MAPKAP1: variants seen among roughly 807,000 people sequenced by gnomAD.
The protein encoded by MAPKAP1 is MAPK associated protein 1.
MAPKAP1 carries 20 observed loss-of-function variants against 65.7 expected under a neutral mutation model. That is an observed-to-expected ratio of 0.30 (90% CI 0.21 to 0.44). MAPKAP1 has a LOEUF of 0.44. Among genes scored for constraint, MAPKAP1 ranks in the 20% least tolerant of loss-of-function variants. MAPKAP1 has a pLI of 1.00. For missense variants in MAPKAP1, 423 were observed against 648.0 expected, an observed-to-expected ratio of 0.65 and a Z score of 3.77; for synonymous variants, 222 against 244.3, an observed-to-expected ratio of 0.91 and a Z score of 0.85.
chr9:125,673,555 A>T (rs192286995), intron 1 of MAPKAP1, among the ~76,000 whole-genome samples: 1 of 152,150 alleles, frequency 6.6e-6, no homozygotes, highest in African/African-American at 2.4e-5. Flanking sequence ...TTATAATCAA[A>T]ATTACCTACT....
At chr9:125,702,882 C>T (rs1835645778) in intron 1 of MAPKAP1, among the ~76,000 whole-genome samples, 1 of 151,556 alleles carries the variant, frequency 6.6e-6, no homozygotes, top group Non-Finnish European at 1.5e-5. Context: ...AAACTAGCTA[C>T]ACATAGTGGC....
chr9:125,564,615 T>G (rs1426461460), intron 5 of MAPKAP1, among the ~76,000 whole-genome samples: 1 of 152,148 alleles, frequency 6.6e-6, no homozygotes, highest in Non-Finnish European at 1.5e-5. Context: ...TAAGTGGTCA[T>G]TTTCTCTACC....
intron 1 of MAPKAP1, among the ~76,000 whole-genome samples, chr9:125,678,041 C>G (rs751896950): frequency 3.9e-5 from 6 of 152,050 alleles, no homozygotes; most frequent in Non-Finnish European, 5.9e-5. Context: ...CCTCAGCCTC[C>G]CAAGTAGCTT....
intron 1 of MAPKAP1, among the ~76,000 whole-genome samples, chr9:125,678,036 G>A (rs1261241125): frequency 6.6e-6 from 1 of 151,916 alleles, no homozygotes; most frequent in East Asian, 1.9e-4. Context: ...TCCCACCTCA[G>A]CCTCCCAAGT....
chr9:125,686,396 ATCAC>A (rs1255166566), intron 1 of MAPKAP1, among the ~76,000 whole-genome samples: 1 of 152,186 alleles, frequency 6.6e-6, no homozygotes, highest in Non-Finnish European at 1.5e-5. Flanking sequence ...TACCACAAAG[ATCAC>A]TCAGGAAACC....
At chr9:125,662,716 T>A (rs1834223920) in intron 3 of MAPKAP1, among the ~76,000 whole-genome samples, 1 of 151,946 alleles carries the variant, frequency 6.6e-6, no homozygotes, top group South Asian at 2.1e-4. Context: ...AATTTTTCTT[T>A]ATAAAGAAAT....
chr9:125,580,102 T>G (rs569816884), intron 5 of MAPKAP1, among the ~76,000 whole-genome samples: 5 of 152,306 alleles, frequency 3.3e-5, no homozygotes, highest in African/African-American at 1.2e-4. Context: ...CGTAAACTAG[T>G]TCAACCATTG....
chr9:125,524,997 C>A (rs941017573), intron 7 of MAPKAP1, among the ~76,000 whole-genome samples: 1 of 152,222 alleles, frequency 6.6e-6, no homozygotes, highest in African/African-American at 2.4e-5. Context: ...CCTGGAAAAG[C>A]CCAAATGAGC....
intron 1 of MAPKAP1, among the ~76,000 whole-genome samples, chr9:125,699,303 G>A (rs901280417): frequency 2.6e-5 from 4 of 151,930 alleles, no homozygotes; most frequent in African/African-American, 9.7e-5. Context: ...TGACACCCCG[G>A]GCTCAAACGA....
chr9:125,456,314 C>G (rs1853159709), intron 10 of MAPKAP1, among the ~76,000 whole-genome samples: 2 of 152,286 alleles, frequency 1.3e-5, no homozygotes, highest in Admixed American at 6.5e-5. Context: ...TTTTCCCCTC[C>G]ATCACCAAGA....
chr9:125,453,490 T>TCCCGCAGATA (rs1221868465), intron 10 of MAPKAP1, among the ~76,000 whole-genome samples: 3 of 152,250 alleles, frequency 2.0e-5, no homozygotes, highest in African/African-American at 4.8e-5. Context: ...AAAGCCAGAC[T>TCCCGCAGATA]CCCGCAGATA....
intron 9 of MAPKAP1, among the ~76,000 whole-genome samples, chr9:125,473,943 T>C (rs1854015402): frequency 1.3e-5 from 2 of 152,268 alleles, no homozygotes; most frequent in South Asian, 4.1e-4. Context: ...AATAGATACC[T>C]CAAGTGCTTG....
At chr9:125,525,542 G>C (rs991455731) in intron 7 of MAPKAP1, among the ~76,000 whole-genome samples, 2 of 151,920 alleles carry the variant, frequency 1.3e-5, no homozygotes, top group African/African-American at 4.8e-5. Flanking sequence ...GTGCGGTGGC[G>C]CATGCCTGTA....
chr9:125,653,064 T>C (rs1833937160), intron 4 of MAPKAP1, among the ~76,000 whole-genome samples: 1 of 152,222 alleles, frequency 6.6e-6, no homozygotes, highest in South Asian at 2.1e-4. Context: ...GTTGAGTGTT[T>C]CCTATGTGCT....
At chr9:125,488,990 C>T (rs1854601591) in intron 8 of MAPKAP1, among the ~76,000 whole-genome samples, 1 of 152,178 alleles carries the variant, frequency 6.6e-6, no homozygotes, top group Admixed American at 6.5e-5. Context: ...CTGTTTGTAT[C>T]TTTCCAGAAA....
intron 4 of MAPKAP1, among the ~76,000 whole-genome samples, chr9:125,588,013 T>C (rs1831839559): frequency 6.6e-6 from 1 of 152,198 alleles, no homozygotes. Flanking sequence ...TTCGGCAGTT[T>C]CTCAAAAATG....
chr9:125,554,316 T>C (rs1409807588), intron 6 of MAPKAP1, among the ~76,000 whole-genome samples: 1 of 152,136 alleles, frequency 6.6e-6, no homozygotes, highest in Non-Finnish European at 1.5e-5. Context: ...AGCCCACTTA[T>C]GTATAGACCA....
rs148671305 is a variant in MAPKAP1, at chr9:125,559,702, C to T, written c.779G>A (p.Ser260Asn). The T allele has an allele frequency of 3.4e-3, 5,436 of 1,613,944 alleles. 10 individuals carry two copies. The highest frequency in any genetic ancestry group is 4.2e-3 in the Non-Finnish European group (4,979 of 1,179,890). Residue 260 changes from serine to asparagine, a missense_variant, in exon 6 of 12, where the codon AGT becomes AAT. Ser to Asn is a conservative substitution (Grantham distance 46). Around this residue, in one of 6 missense-constraint regions of MAPKAP1, gnomAD observed 98 missense variants for 200.5 expected, o/e 0.49. Coordinates refer to ENST00000265960, the MANE Select transcript of MAPKAP1 (RefSeq NM_001006617.3). ...GTACTTTTCAACCAGGGCCAAAGTA[C>T]TGAAGCCAAACTTATGAATGGGCTC... is the stretch of plus-strand genomic sequence containing the variant. ...SNEPIHKFGF[S>N]TLALVEKYSS...
At chr9:125,465,333 G>A (rs1236458892) in intron 10 of MAPKAP1, among the ~76,000 whole-genome samples, 1 of 152,104 alleles carries the variant, frequency 6.6e-6, no homozygotes, top group East Asian at 1.9e-4. Context: ...TTTCTTTAGT[G>A]ATGTTAAAAT....
Sources: allele counts gnomAD v4.1 joint callset (sites outside exome capture counted in the v4.1 genomes callset), GRCh38; gene constraint gnomAD v4.1.1; regional missense constraint gnomAD v4.1.1; transcripts MANE v1.5; gene names NCBI Gene and HGNC (gene_info 2026-07-23, HGNC 2026-07-21).